MCC: variants seen among roughly 807,000 people sequenced by gnomAD.
MCC encodes the protein colorectal mutant cancer protein.
A neutral mutation model predicts 116.2 loss-of-function variants in MCC; 90 were observed. The observed-to-expected ratio is 0.77, with a 90% CI of 0.65 to 0.92. MCC has a LOEUF of 0.92. MCC is among the 40% of genes least tolerant of loss of function. The pLI, the probability that MCC is intolerant of heterozygous loss-of-function variation, is 0.00. For missense variants in MCC, 1,516 were observed against 1,312.2 expected (o/e 1.16, Z -2.40); for synonymous variants, 578 against 510.5 (o/e 1.13, Z -1.78).
At chr5:113,252,663 C>A (rs1764846037) in intron 3 of MCC, among the ~76,000 whole-genome samples, 1 of 152,090 alleles carries the variant, frequency 6.6e-6, no homozygotes, top group South Asian at 2.1e-4. Context: ...CTGAAACAAT[C>A]CCCTACCCAC....
intron 17 of MCC, among the ~76,000 whole-genome samples, chr5:113,033,873 T>C (rs1580883396): frequency 6.6e-6 from 1 of 152,228 alleles, no homozygotes; most frequent in East Asian, 1.9e-4. Context: ...GTCGTATGAC[T>C]CTAACCGCAG....
At chr5:113,091,459 G>A (rs1279620930) in intron 8 of MCC, among the ~76,000 whole-genome samples, 1 of 152,106 alleles carries the variant, frequency 6.6e-6, no homozygotes, top group Admixed American at 6.5e-5. Flanking sequence ...TTCACCCTAG[G>A]GGAAATGAAA....
Position 113,101,911 on chromosome 5 carries a change from T to C in MCC, c.1226A>G (p.Asp409Gly). The C allele has an allele frequency of 6.2e-7, 1 of 1,613,322 alleles. No homozygotes were observed. ...CTCTTCAGCCAGGTTGGGATACAGGTCCCGGCCAAGCACCCCCTCAATCTC... is the reference window on the plus strand; with the variant it reads ...CTCTTCAGCCAGGTTGGGATACAGGCCCCGGCCAAGCACCCCCTCAATCTC... ...VEEIEGVLGRDLYPNLAEERS... is the reference protein window; with the variant it reads ...VEEIEGVLGRGLYPNLAEERS... The change falls in exon 8 of 19, where the codon GAC (aspartate) becomes GGC (glycine). Residue 409 changes from aspartate to glycine, a missense_variant. Physicochemically the swap from Asp to Gly is moderately conservative, Grantham distance 94. Transcript: ENST00000408903.
intron 5 of MCC, among the ~76,000 whole-genome samples, chr5:113,124,416 T>C (rs1376946873): frequency 6.6e-6 from 1 of 152,248 alleles, no homozygotes; most frequent in Non-Finnish European, 1.5e-5. Context: ...TTACCTTTGT[T>C]GCATGGCCAA....
At chr5:113,027,526 G>A in intron 18 of MCC, 44 bp from the exon 19 acceptor site, 1 of 1,573,072 alleles carries the variant, frequency 6.4e-7, no homozygotes, top group Non-Finnish European at 8.7e-7. Context: ...TTCATCCTAA[G>A]TAGCATCGTG....
At chr5:113,134,555 CTTTTTTTTTTTT>C in intron 5 of MCC, among the ~76,000 whole-genome samples, 3 of 30,126 alleles carry the variant, frequency 1.0e-4, no homozygotes, top group Non-Finnish European at 1.8e-4. Flanking sequence ...GCTATTTGGG[CTTTTTTTTTTTT>C]TTTTTTTTTT....
chr5:113,403,021 G>A (rs1769736276), intron 1 of MCC, among the ~76,000 whole-genome samples: 1 of 152,054 alleles, frequency 6.6e-6, no homozygotes, highest in South Asian at 2.1e-4. Context: ...ACACTTTTAT[G>A]CTTTCAGTGT....
intron 8 of MCC, among the ~76,000 whole-genome samples, chr5:113,098,782 T>C (rs1475183120): frequency 6.6e-6 from 1 of 152,160 alleles, no homozygotes; most frequent in Admixed American, 6.5e-5. Context: ...TAAAATTCTA[T>C]ACAATGAATG....
intron 14 of MCC, among the ~76,000 whole-genome samples, chr5:113,061,497 C>T (rs901622803): frequency 6.6e-6 from 1 of 152,178 alleles, no homozygotes; most frequent in Non-Finnish European, 1.5e-5. Flanking sequence ...TCACTCTGTC[C>T]ATAAGACTAT....
chr5:113,097,412 C>A (rs1330348762), intron 8 of MCC, among the ~76,000 whole-genome samples: 1 of 152,050 alleles, frequency 6.6e-6, no homozygotes, highest in South Asian at 2.1e-4. Flanking sequence ...TTTAAGGTCC[C>A]TTTGAGGCCA....
intron 3 of MCC, among the ~76,000 whole-genome samples, chr5:113,283,291 T>C (rs563448424): frequency 1.3e-5 from 2 of 152,280 alleles, no homozygotes; most frequent in Non-Finnish European, 2.9e-5. Context: ...GGATTGATAA[T>C]CCAGAATATG....
chr5:113,165,638 C>T (rs1391625341), intron 3 of MCC, among the ~76,000 whole-genome samples: 1 of 152,126 alleles, frequency 6.6e-6, no homozygotes, highest in Non-Finnish European at 1.5e-5. Flanking sequence ...AGGAGGCCAC[C>T]ATGATGGGCT....
At chr5:113,029,647 G>C (rs1750821199) in intron 17 of MCC, among the ~76,000 whole-genome samples, 1 of 152,204 alleles carries the variant, frequency 6.6e-6, no homozygotes, top group Admixed American at 6.5e-5. Flanking sequence ...GCAGCTTCAA[G>C]TTCTGTGGAT....
At chr5:113,226,623 C>T (rs1389219243) in intron 3 of MCC, among the ~76,000 whole-genome samples, 1 of 152,182 alleles carries the variant, frequency 6.6e-6, no homozygotes, top group Non-Finnish European at 1.5e-5. Flanking sequence ...AAACATGTTA[C>T]AATTTAAATG....
chr5:113,135,871 C>T (rs58322254), intron 5 of MCC, among the ~76,000 whole-genome samples: 2,101 of 152,066 alleles, frequency 0.014, 66 homozygotes, highest in African/African-American at 0.048. Flanking sequence ...TGGTGAAACC[C>T]CATCTCTACT....
intron 3 of MCC, among the ~76,000 whole-genome samples, chr5:113,304,787 C>T (rs1327827695): frequency 6.6e-6 from 1 of 151,930 alleles, no homozygotes; most frequent in Non-Finnish European, 1.5e-5. Context: ...GTTTTGAGTC[C>T]TCCCAGGAGT....
intron 3 of MCC, among the ~76,000 whole-genome samples, chr5:113,326,398 A>G (rs1006441472): frequency 2.0e-5 from 3 of 152,232 alleles, no homozygotes; most frequent in Non-Finnish European, 4.4e-5. Flanking sequence ...TGGGAAGTCC[A>G]AGATCAAGGT....
At chr5:113,073,014 C>T (rs940694486) in intron 11 of MCC, among the ~76,000 whole-genome samples, 2 of 152,162 alleles carry the variant, frequency 1.3e-5, no homozygotes, top group Non-Finnish European at 2.9e-5. Context: ...CTTGTCCAAC[C>T]TGTGGGCTGC....
intron 1 of MCC, among the ~76,000 whole-genome samples, chr5:113,406,626 G>A (rs1024742789): frequency 1.3e-5 from 2 of 151,706 alleles, no homozygotes; most frequent in African/African-American, 4.8e-5. Flanking sequence ...TTTTCAAATC[G>A]ATCTAAATAT....
Sources: gnomAD v4.1 joint callset for allele counts (sites outside exome capture counted in the v4.1 genomes callset) on GRCh38, gnomAD v4.1.1 for gene constraint, MANE v1.5 for transcripts, NCBI Gene and HGNC (gene_info 2026-07-23, HGNC 2026-07-21) for gene names.